The following PLAC1 variants were observed in gnomAD, a reference collection of about 807,000 sequenced individuals.
PLAC1 encodes the protein placenta associated 1.
For synonymous variants in PLAC1, 68 were observed against 62.1 expected, an observed-to-expected ratio of 1.09 and a Z score of -0.44; for missense variants, 136 against 163.2, an observed-to-expected ratio of 0.83 and a Z score of 0.91.
intron 1 of PLAC1, among the ~76,000 whole-genome samples, chrX:134,636,553 C>T (rs1215779520): frequency 8.9e-6 from 1 of 111,947 alleles, no homozygotes; most frequent in Admixed American, 9.4e-5. Flanking sequence ...AGATTCAAAG[C>T]GCAGGGAAGT....
chrX:134,711,419 C>T (rs2078627737), intron 2 of PLAC1, among the ~76,000 whole-genome samples: 1 of 112,039 alleles, frequency 8.9e-6, no homozygotes, highest in Non-Finnish European at 1.9e-5. Flanking sequence ...GTAGATTTCA[C>T]ACAATTTAAA....
chrX:134,566,642 G>A lies in PLAC1; in HGVS notation c.41C>T (p.Thr14Ile), dbSNP rs372311400. The A allele has an allele frequency of 1.2e-5, 14 of 1,202,782 alleles. No individual in the cohort carries two copies. The Admixed American group carries it at 1.3e-4, about 11-fold the overall frequency. ...TCCTGAACCGGCTGAAAACGCAGAG[G>A]TGAGGAGGATCATCAGTCCTATGAA... ...FKFIGLMILL[T>I]SAFSAGSGQS... is the part of the protein sequence containing the mutation. Residue 14 changes from threonine (T) to isoleucine (I), a missense_variant, in exon 3 of 3, where the codon ACC becomes ATC. Transcript: ENST00000359237.
At chrX:134,570,449 T>C (rs912928758) in intron 2 of PLAC1, among the ~76,000 whole-genome samples, 4 of 110,755 alleles carry the variant, frequency 3.6e-5, no homozygotes, top group Admixed American at 9.6e-5. Context: ...TGACGTGGAG[T>C]TGGGGACTGG....
At chrX:134,731,598 C>T (rs1484858774) in intron 2 of PLAC1, among the ~76,000 whole-genome samples, 4 of 111,758 alleles carry the variant, frequency 3.6e-5, no homozygotes, top group African/African-American at 1.3e-4. Flanking sequence ...CTAGCAATAT[C>T]GTAGGCCTAC....
intron 2 of PLAC1, among the ~76,000 whole-genome samples, chrX:134,689,031 T>C (rs1360854027): frequency 1.8e-5 from 2 of 112,321 alleles, no homozygotes; most frequent in Admixed American, 1.9e-4. Context: ...TGTCCTTTCA[T>C]GAATGACTAA....
rs192636071 is a variant in PLAC1, at chrX:134,640,189, G to T, written c.-131+18139C>A. Reference sequence around the variant, plus strand: ...TACCCTATTATTTTAATACCTTCAAGGATGAATAAACACTACAATAAAAGT... The same window carrying T: ...TACCCTATTATTTTAATACCTTCAATGATGAATAAACACTACAATAAAAGT... On this transcript the variant is annotated intron_variant, in intron 1 of 2. Transcript: ENST00000359237. Among the ~76,000 whole-genome samples, 71 of 111,946 alleles carry T rather than the reference G, an allele frequency of 6.3e-4. No homozygotes were observed. The Middle Eastern group carries it at 0.014, about 22-fold the overall frequency.
intron 1 of PLAC1, among the ~76,000 whole-genome samples, chrX:134,735,936 T>G (rs1189642145): frequency 3.2e-5 from 3 of 93,221 alleles, no homozygotes; most frequent in African/African-American, 1.3e-4. Context: ...GAGCCCCCAA[T>G]GTCATATAAT....
intron 1 of PLAC1, among the ~76,000 whole-genome samples, chrX:134,620,629 C>T (rs966130226): frequency 3.6e-5 from 4 of 111,911 alleles, no homozygotes; most frequent in Non-Finnish European, 7.5e-5. Context: ...TCCACCTCTC[C>T]GATACTCAAT....
At chrX:134,570,232 G>A (rs1030237590) in intron 2 of PLAC1, among the ~76,000 whole-genome samples, 3 of 111,414 alleles carry the variant, frequency 2.7e-5, no homozygotes, top group African/African-American at 9.8e-5. Context: ...ATGGGATCCC[G>A]AACAAGGGAG....
chrX:134,577,802 T>A (rs1242538011), intron 2 of PLAC1, among the ~76,000 whole-genome samples: 4 of 106,237 alleles, frequency 3.8e-5, no homozygotes, highest in African/African-American at 1.4e-4. Context: ...AGGGATAGAT[T>A]AGCACATGTA....
At chrX:134,700,523 A>G (rs1201912820) in intron 2 of PLAC1, among the ~76,000 whole-genome samples, 1 of 111,868 alleles carries the variant, frequency 8.9e-6, no homozygotes, top group Non-Finnish European at 1.9e-5. Flanking sequence ...TGACAATATG[A>G]GTCTATACCT....
chrX:134,643,962 C>A (rs1308973249), intron 1 of PLAC1, among the ~76,000 whole-genome samples: 2 of 78,532 alleles, frequency 2.5e-5, no homozygotes, highest in African/African-American at 4.4e-5. Context: ...ATAATAATAT[C>A]TATTTCATAA....
chrX:134,757,235 T>C (rs2078759498), intron 1 of PLAC1, among the ~76,000 whole-genome samples: 2 of 113,126 alleles, frequency 1.8e-5, no homozygotes, highest in Admixed American at 1.9e-4. Flanking sequence ...AATGTGCCTT[T>C]ACATGGAGAA....
At chrX:134,644,736 C>G (rs1245237130) in intron 1 of PLAC1, among the ~76,000 whole-genome samples, 2 of 111,262 alleles carry the variant, frequency 1.8e-5, no homozygotes, top group Non-Finnish European at 3.8e-5. Flanking sequence ...TTGGAAGACT[C>G]TTGGACTCTT....
chrX:134,708,609 G>A (rs1252919432), intron 2 of PLAC1, among the ~76,000 whole-genome samples: 4 of 98,521 alleles, frequency 4.1e-5, no homozygotes, highest in African/African-American at 7.7e-5. Context: ...GCACAATCTC[G>A]GCTCACCACA....
intron 2 of PLAC1, among the ~76,000 whole-genome samples, chrX:134,696,765 A>G (rs1209936113): frequency 9.0e-6 from 1 of 111,079 alleles, no homozygotes; most frequent in Non-Finnish European, 1.9e-5. Context: ...GCGGTGGCTC[A>G]CGCCTGTAAT....
chrX:134,610,009 G>A (rs866053079), intron 1 of PLAC1, among the ~76,000 whole-genome samples: 7 of 109,598 alleles, frequency 6.4e-5, no homozygotes, highest in Non-Finnish European at 9.5e-5. Context: ...AGACAGTCTC[G>A]CTCTGTCACC....
intron 1 of PLAC1, among the ~76,000 whole-genome samples, chrX:134,628,700 A>G (rs2078247154): frequency 8.9e-6 from 1 of 112,049 alleles, no homozygotes; most frequent in African/African-American, 3.2e-5. Flanking sequence ...AAGGGCAACA[A>G]TGTTTTCTAT....
intron 2 of PLAC1, among the ~76,000 whole-genome samples, chrX:134,693,814 C>T (rs1382803942): frequency 9.0e-6 from 1 of 111,550 alleles, no homozygotes; most frequent in Admixed American, 9.6e-5. Context: ...ATCTGATGTT[C>T]CTTCAGATGG....
Sources: gnomAD v4.1 joint callset for allele counts (sites outside exome capture counted in the v4.1 genomes callset) on GRCh38, gnomAD v4.1.1 for gene constraint, MANE v1.5 for transcripts, NCBI Gene and HGNC (gene_info 2026-07-23, HGNC 2026-07-21) for gene names.